Variants in FARS2 observed in about 807,000 individuals in gnomAD.
The protein encoded by FARS2 is phenylalanyl-tRNA synthetase 2, mitochondrial.
Under a neutral mutation model 46.4 loss-of-function variants are expected in FARS2, and 40 were observed. That is an observed-to-expected ratio of 0.86 (90% confidence interval 0.67 to 1.12). The LOEUF is 1.12. FARS2 is among the 50% of genes most tolerant of loss of function. The pLI is 0.00. For synonymous variants in FARS2, 234 were observed against 214.9 expected, an observed-to-expected ratio of 1.09 and a Z score of -0.78; for missense variants, 513 against 567.9, an observed-to-expected ratio of 0.90 and a Z score of 0.98.
intron 5 of FARS2, among the ~76,000 whole-genome samples, chr6:5,546,723 G>C (rs945361682): frequency 1.3e-5 from 2 of 150,886 alleles, no homozygotes; most frequent in Non-Finnish European, 3.0e-5. Context: ...CTTCTCTTTG[G>C]GTTGCTCATC....
chr6:5,494,364 G>T (rs917521383), intron 4 of FARS2, among the ~76,000 whole-genome samples: 6 of 152,160 alleles, frequency 3.9e-5, no homozygotes, highest in African/African-American at 1.4e-4. Context: ...GGCCTGCCAA[G>T]CTCCTGTAGC....
chr6:5,683,452 T>C (rs1324577277), intron 6 of FARS2, among the ~76,000 whole-genome samples: 1 of 152,076 alleles, frequency 6.6e-6, no homozygotes, highest in African/African-American at 2.4e-5. Context: ...GTCTGGGAGC[T>C]GCTCCTCACT....
At chr6:5,449,693 G>T (rs1408115868) in intron 4 of FARS2, among the ~76,000 whole-genome samples, 2 of 152,040 alleles carry the variant, frequency 1.3e-5, no homozygotes, top group Non-Finnish European at 2.9e-5. Context: ...TTTGGATTTT[G>T]TGTGTGTGTG....
At chr6:5,723,060 AG>A (rs1760013390) in intron 6 of FARS2, among the ~76,000 whole-genome samples, 1 of 152,184 alleles carries the variant, frequency 6.6e-6, no homozygotes, top group Non-Finnish European at 1.5e-5. Context: ...AAGACTCCAC[AG>A]ATGGACAAAA....
intron 6 of FARS2, among the ~76,000 whole-genome samples, chr6:5,613,855 T>C (rs1218720928): frequency 1.3e-5 from 2 of 152,108 alleles, no homozygotes; most frequent in Non-Finnish European, 2.9e-5. Context: ...AAAAATGCAT[T>C]GGGTGTCATC....
chr6:5,257,937 G>A (rs1764760194), upstream of FARS2, among the ~76,000 whole-genome samples: 1 of 152,234 alleles, frequency 6.6e-6, no homozygotes, highest in South Asian at 2.1e-4. Flanking sequence ...TGTTTGGCTG[G>A]TGGGAGGGAT....
chr6:5,531,452 G>T (rs1028748935), intron 4 of FARS2, among the ~76,000 whole-genome samples: 2 of 152,308 alleles, frequency 1.3e-5, no homozygotes, highest in East Asian at 1.9e-4. Context: ...AAGGAAAGGG[G>T]ATGGTCCAAA....
intron 6 of FARS2, among the ~76,000 whole-genome samples, chr6:5,714,083 T>A (rs1759346911): frequency 6.6e-6 from 1 of 152,172 alleles, no homozygotes; most frequent in South Asian, 2.1e-4. Flanking sequence ...TGTGTGTGTG[T>A]GAGTGCGCGT....
At chr6:5,265,833 G>A (rs1765514387) in intron 1 of FARS2, among the ~76,000 whole-genome samples, 1 of 152,182 alleles carries the variant, frequency 6.6e-6, no homozygotes, top group South Asian at 2.1e-4. Flanking sequence ...GCGTTGTGGG[G>A]TCTCAGTGCA....
chr6:5,252,205 C>T, the FARS2 span, among the ~76,000 whole-genome samples: 4 of 152,252 alleles, frequency 2.6e-5, no homozygotes, highest in East Asian at 5.8e-4. Context: ...ACAGATTTTG[C>T]AGGCTTATTC....
intron 4 of FARS2, among the ~76,000 whole-genome samples, chr6:5,487,540 T>G (rs759073225): frequency 2.8e-4 from 43 of 152,226 alleles, no homozygotes; most frequent in Non-Finnish European, 5.6e-4. Flanking sequence ...TATTCCCATG[T>G]TACCCATTAC....
chr6:5,489,763 A>G (rs1163713503), intron 4 of FARS2, among the ~76,000 whole-genome samples: 1 of 152,208 alleles, frequency 6.6e-6, no homozygotes, highest in East Asian at 1.9e-4. Context: ...GGTTATTATT[A>G]TAGAAAGTTT....
chr6:5,332,856 C>T (rs990434421), intron 1 of FARS2, among the ~76,000 whole-genome samples: 1 of 152,114 alleles, frequency 6.6e-6, no homozygotes, highest in Non-Finnish European at 1.5e-5. Context: ...GGATGAACCG[C>T]ATTAAAAGGG....
chr6:5,365,266 G>A (rs1554168833), intron 1 of FARS2, among the ~76,000 whole-genome samples: 1 of 144,928 alleles, frequency 6.9e-6, no homozygotes, highest in Non-Finnish European at 1.5e-5. Flanking sequence ...TCCTTGCAGA[G>A]ATACCATTTG....
At chr6:5,524,586 C>G (rs1411900755) in intron 4 of FARS2, among the ~76,000 whole-genome samples, 1 of 152,174 alleles carries the variant, frequency 6.6e-6, no homozygotes, top group African/African-American at 2.4e-5. Context: ...TTACAAGTAC[C>G]TTTGTAATCC....
the FARS2 span, among the ~76,000 whole-genome samples, chr6:5,253,607 G>A: frequency 6.6e-6 from 1 of 152,122 alleles, no homozygotes; most frequent in Admixed American, 6.5e-5. Context: ...CAGTGCTGTG[G>A]TGGTTCAAGA....
intron 4 of FARS2, chr6:5,467,141 T>A (rs1400188318): frequency 1.1e-6 from 1 of 921,518 alleles, no homozygotes; most frequent in African/African-American, 1.8e-5. Context: ...TTTGTTTAAA[T>A]TAGATTAAAT....
chr6:5,549,131 A>G (rs7752167), intron 5 of FARS2, among the ~76,000 whole-genome samples: 109,635 of 151,276 alleles, frequency 0.72, 39,870 homozygotes, highest in Middle Eastern at 0.84. Context: ...AGCAGGGCTG[A>G]CTCCTTCTGT....
intron 2 of FARS2, among the ~76,000 whole-genome samples, chr6:5,379,022 A>C (rs908391118): frequency 6.6e-6 from 1 of 152,238 alleles, no homozygotes. Context: ...TTAGGCTCTT[A>C]GTCTGAGACT....
Sources: allele counts gnomAD v4.1 joint callset (sites outside exome capture counted in the v4.1 genomes callset), GRCh38; gene constraint gnomAD v4.1.1; transcripts MANE v1.5; gene names NCBI Gene and HGNC (gene_info 2026-07-23, HGNC 2026-07-21).